EML6: variants seen among roughly 807,000 people sequenced by gnomAD.
The protein encoded by EML6 is echinoderm microtubule-associated protein-like 6.
EML6 carries 154 observed loss-of-function variants against 240.1 expected under a neutral mutation model. The ratio of observed to expected loss-of-function variants is 0.64; its 90% CI spans 0.56 to 0.73. The LOEUF is 0.73. EML6 is among the 30% of genes least tolerant of loss of function. The probability of loss-of-function intolerance (pLI) is 0.00; values close to 1 mark genes in which losing one functional copy is unlikely to be tolerated. For synonymous variants in EML6, 1,148 were observed against 899.0 expected, an observed-to-expected ratio of 1.28 and a Z score of -4.95; for missense variants, 2,964 against 2,474.6, an observed-to-expected ratio of 1.20 and a Z score of -4.20.
intron 28 of EML6, among the ~76,000 whole-genome samples, chr2:54,945,650 C>G (rs1287908766): frequency 7.9e-5 from 12 of 152,260 alleles, no homozygotes; most frequent in Non-Finnish European, 1.5e-5. Flanking sequence ...AGCACTTTGG[C>G]CCTGAATGCT....
intron 40 of EML6, 132 bp from the exon 41 acceptor site, chr2:54,968,536 T>A: frequency 1.5e-6 from 1 of 684,876 alleles, no homozygotes; most frequent in Non-Finnish European, 2.6e-6. Context: ...GGCTAATAGA[T>A]GAGTCCAGAC....
At chr2:54,862,405 A>G (rs990994883) in intron 12 of EML6, among the ~76,000 whole-genome samples, 4 of 151,522 alleles carry the variant, frequency 2.6e-5, no homozygotes, top group Non-Finnish European at 4.4e-5. Flanking sequence ...GAAAAATTCA[A>G]TAGAGAGGTT....
chr2:54,871,623 T>G lies in EML6; in HGVS notation c.2344+18T>G. 4 of 1,495,700 alleles carry G rather than the reference T, an allele frequency of 2.7e-6. No homozygotes were observed. The highest frequency in any genetic ancestry group is 3.7e-6 in the Non-Finnish European group (4 of 1,095,736). The allele number at this position is 1,495,700 out of a possible 1,614,324, so 92.7% of individuals were successfully genotyped here. A position where few individuals can be genotyped will look rare whatever the true frequency, so the allele number is the denominator to read the frequency against. Reference sequence around the variant, plus strand: ...TTTTTCAGGTAAGGTCCAGAGTGATTGACACATGGTTCTACGTTGAGAGAG... The same window carrying G: ...TTTTTCAGGTAAGGTCCAGAGTGATGGACACATGGTTCTACGTTGAGAGAG... On this transcript the variant is annotated intron_variant, in intron 16 of 41. Coordinates refer to ENST00000356458, the MANE Select transcript of EML6 (RefSeq NM_001039753.4).
chr2:54,786,817 C>A (rs1333544485), intron 2 of EML6, among the ~76,000 whole-genome samples: 1 of 152,240 alleles, frequency 6.6e-6, no homozygotes, highest in Non-Finnish European at 1.5e-5. Context: ...CCTCGGAATT[C>A]ATTCCCACAC....
At chr2:54,925,909 C>T (rs1237531728) in intron 26 of EML6, among the ~76,000 whole-genome samples, 1 of 152,118 alleles carries the variant, frequency 6.6e-6, no homozygotes, top group Non-Finnish European at 1.5e-5. Context: ...CCCTCCATGC[C>T]CTCAAGTCCT....
rs1676781127 is a variant in EML6 at position 54,967,083 on chromosome 2, C to A, written c.5577C>A (p.Ile1859=). The change falls in exon 39 of 42, where the codon ATC becomes ATA. Residue 1859 remains isoleucine (I), a synonymous_variant. Transcript: ENST00000356458. ...CTGAAGCCGTGGTCATTGAGAAGATCACCTGGGCCTCCTGGACAAGGTGAC... is the reference window on the plus strand; with the variant it reads ...CTGAAGCCGTGGTCATTGAGAAGATAACCTGGGCCTCCTGGACAAGGTGAC... ...QVTEAVVIEK[I]TWASWTSVLG... 5.8e-6 allele frequency: 9 copies of A among 1,551,226 alleles called. No individual in the cohort carries two copies. The East Asian group carries it at 9.8e-5, about 17-fold the overall frequency.
chr2:54,739,200 T>A (rs966030018), intron 2 of EML6, among the ~76,000 whole-genome samples: 1 of 152,256 alleles, frequency 6.6e-6, no homozygotes, highest in Non-Finnish European at 1.5e-5. Context: ...TGTGCTTCTT[T>A]ATTAACACAT....
At position 54,919,612 on chromosome 2, in the gene EML6, A is replaced by G. The variant is rs547909284; in HGVS notation, c.3675+2677A>G. 1.3e-4 allele frequency among the ~76,000 whole-genome samples: 20 copies of G among 152,236 alleles called. No individual in the cohort carries two copies. In the East Asian group the frequency reaches 3.7e-3, roughly 28 times the overall value. ...GATCAGAATTTAGTTCTAAGTAGCC[A>G]TTTTCCTTGCTATTTCTGTGTGTAA... On this transcript the variant is annotated intron_variant, in intron 26 of 41. Coordinates refer to ENST00000356458, the MANE Select transcript of EML6 (RefSeq NM_001039753.4).
chr2:54,921,309 G>C (rs918702398), intron 26 of EML6, among the ~76,000 whole-genome samples: 1 of 152,004 alleles, frequency 6.6e-6, no homozygotes, highest in Non-Finnish European at 1.5e-5. Context: ...TATATACTTA[G>C]ACTATCTACA....
chr2:54,743,967 G>A (rs1432731569), intron 2 of EML6, among the ~76,000 whole-genome samples: 1 of 152,174 alleles, frequency 6.6e-6, no homozygotes, highest in African/African-American at 2.4e-5. Context: ...CATTCTGGAA[G>A]AGATGGCATT....
chr2:54,774,883 T>C lies in EML6; in HGVS notation c.198-38349T>C, dbSNP rs1045969594. On this transcript the variant is annotated intron_variant, in intron 2 of 41. Coordinates refer to ENST00000356458, the MANE Select transcript of EML6 (RefSeq NM_001039753.4). The surrounding 1 kb of genome is among the most constrained non-coding windows in gnomAD (Gnocchi z 4.1). The stretch of plus-strand genomic sequence containing the variant: ...GTTGACATTGCTTTTGCCTTTGTTT[T>C]TCACCCAAGTGGAAATACAGAAAGT... Among the ~76,000 whole-genome samples the C allele has an allele frequency of 6.6e-6, 1 of 152,276 alleles. No homozygotes were observed. Among genetic ancestry groups the C allele is most frequent in the Non-Finnish European group, 1.5e-5 (1 of 68,056 alleles).
At chr2:54,875,552 ATG>A in intron 16 of EML6, among the ~76,000 whole-genome samples, 1 of 152,358 alleles carries the variant, frequency 6.6e-6, no homozygotes, top group South Asian at 2.1e-4. Context: ...CAGGCAAACA[ATG>A]TGAAAACTAG....
At position 54,849,965 on chromosome 2, in the gene EML6, T is replaced by C. The variant is rs775030539; in HGVS notation, c.1191T>C (p.Asp397=). ...GTTTTGCTTTTTATTCTTACAGAGA[T>C]ATGACAGAAGTAGTTCACATCAAAG... ...DGSFIVLRVR[D]MTEVVHIKDR... The change falls in exon 10 of 42, where the codon GAT becomes GAC. Residue 397 remains aspartate, a synonymous_variant. Coordinates refer to ENST00000356458, the MANE Select transcript of EML6 (RefSeq NM_001039753.4). 3 of 1,550,790 alleles carry C rather than the reference T, an allele frequency of 1.9e-6. No individual in the cohort carries two copies. The highest frequency in any genetic ancestry group is 1.4e-5 in the African/African-American group (1 of 73,146).
At chr2:54,790,562 A>C (rs1286819468) in intron 2 of EML6, among the ~76,000 whole-genome samples, 1 of 152,180 alleles carries the variant, frequency 6.6e-6, no homozygotes, top group Non-Finnish European at 1.5e-5. Flanking sequence ...TTCAGATACC[A>C]GCATTTGGAA....
rs762625122 is a variant in EML6, at chr2:54,957,917, C to T, written c.4614C>T (p.Ser1538=). The T allele has an allele frequency of 1.6e-5, 25 of 1,551,640 alleles. No homozygotes were observed. The highest frequency in any genetic ancestry group is 1.5e-4 in the African/African-American group (11 of 73,160). Residue 1538 remains serine (S), a synonymous_variant, in exon 33 of 42, where the codon AGC becomes AGT. Transcript: ENST00000356458. ...KHMKFWTLAG[S]ALLYKKGVIG... ...TGAAGTTCTGGACCCTGGCAGGCAGCGCCTTGCTTTACAAGAAAGGGGTCA... is the reference window on the plus strand; with the variant it reads ...TGAAGTTCTGGACCCTGGCAGGCAGTGCCTTGCTTTACAAGAAAGGGGTCA...
chr2:54,892,709 A>G lies in EML6; in HGVS notation c.2742+53A>G, dbSNP rs1460873657. The stretch of plus-strand genomic sequence containing the variant: ...TCCTCATCAGCCTTCTAAAATTATA[A>G]GGTAGTCTTAGGATGGCCCAAGAGG... On this transcript the variant is annotated intron_variant, in intron 19 of 41. Transcript: ENST00000356458. 5.0e-6 allele frequency: 7 copies of G among 1,409,412 alleles called. No homozygotes were observed. In the Admixed American group the frequency reaches 1.5e-4, roughly 29 times the overall value. 87.3% of individuals were successfully genotyped at this position (1,409,412 alleles called of 1,614,324 possible). A position where few individuals can be genotyped will look rare whatever the true frequency, so the allele number is the denominator to read the frequency against.
rs910533728 is a variant in EML6 at position 54,967,846 on chromosome 2, G to A, written c.5598-282G>A. ...AGCTTGCAACCTAGATCCCTCGCAT[G>A]CTTAGTTCACAATAGGGTTCGCACT... On this transcript the variant is annotated intron_variant, in intron 39 of 41. Transcript: ENST00000356458. Among the ~76,000 whole-genome samples, 6 of 152,296 alleles carry A rather than the reference G, an allele frequency of 3.9e-5. No homozygotes were observed. In the South Asian group the frequency reaches 6.2e-4, roughly 16 times the overall value.
chr2:54,813,228 T>G lies in EML6; in HGVS notation c.198-4T>G. ...GATGTGAAAAGAAACCTTTTCTCTTTCAGCCTTGCCTTACACCCAGACAAA... is the reference window on the plus strand; with the variant it reads ...GATGTGAAAAGAAACCTTTTCTCTTGCAGCCTTGCCTTACACCCAGACAAA... On this transcript the variant is annotated splice_region_variant and splice_polypyrimidine_tract_variant and intron_variant, in intron 2 of 41. Transcript: ENST00000356458. 6.5e-7 allele frequency: 1 copy of G among 1,539,768 alleles called. No homozygotes were observed. Among genetic ancestry groups the G allele is most frequent in the Non-Finnish European group, 8.8e-7 (1 of 1,141,206 alleles).
At chr2:54,817,789 G>A (rs1668143568) in intron 4 of EML6, among the ~76,000 whole-genome samples, 1 of 151,400 alleles carries the variant, frequency 6.6e-6, no homozygotes, top group East Asian at 1.9e-4. Context: ...ACTGTCTCTT[G>A]CTTAGAAGGA....
Sources: gnomAD v4.1 joint callset for allele counts (sites outside exome capture counted in the v4.1 genomes callset) on GRCh38, gnomAD v4.1.1 for gene constraint, Gnocchi (gnomAD v3.1) non-coding constraint, MANE v1.5 for transcripts, NCBI Gene and HGNC (gene_info 2026-07-23, HGNC 2026-07-21) for gene names.